SPIN3: variants seen among roughly 807,000 people sequenced by gnomAD.
The protein encoded by SPIN3 is spindlin family member 3.
For missense variants in SPIN3, 176 were observed against 196.4 expected, an observed-to-expected ratio of 0.90 and a Z score of 0.62; for synonymous variants, 74 against 74.3, an observed-to-expected ratio of 1.00 and a Z score of 0.02.
intron 5 of SPIN3, chrX:56,977,400 ACT>A (rs1346888043): frequency 8.9e-6 from 1 of 111,810 alleles, no homozygotes; most frequent in Non-Finnish European, 1.9e-5. Context: ...CAAAGAAGTA[ACT>A]CTGCATATAA....
At chrX:56,984,356 C>T in exon 3 of SPIN3, 1 of 301,290 alleles carries the variant, frequency 3.3e-6, no homozygotes, top group South Asian at 3.0e-5. Flanking sequence ...ATCTTTCCAG[C>T]TTTAGAGATG....
downstream of SPIN3, chrX:56,975,766 C>T (rs996509407): frequency 9.0e-6 from 1 of 111,319 alleles, no homozygotes; most frequent in Non-Finnish European, 1.9e-5. Flanking sequence ...GTAGAGGCAG[C>T]TTAGGTTTGG....
intron 2 of SPIN3, chrX:56,984,524 G>A (rs940572125): frequency 3.2e-5 from 10 of 317,300 alleles, no homozygotes; most frequent in Non-Finnish European, 5.4e-5. Flanking sequence ...TGACATTTGA[G>A]ATTAAGTGAA....
At chrX:56,982,956 G>A (rs753342663) in intron 3 of SPIN3, 1 of 111,606 alleles carries the variant, frequency 9.0e-6, no homozygotes, top group African/African-American at 3.3e-5. Flanking sequence ...AAGGACCAGG[G>A]AGTAGTAGTA....
chrX:56,989,071 A>T (rs1924278761), downstream of SPIN3, among the ~76,000 whole-genome samples: 1 of 111,813 alleles, frequency 8.9e-6, no homozygotes, highest in Non-Finnish European at 1.9e-5. Context: ...AGAAGCTACT[A>T]TGTATTGTTT....
chrX:56,989,243 G>A (rs2146832749), downstream of SPIN3, among the ~76,000 whole-genome samples: 1 of 111,248 alleles, frequency 9.0e-6, no homozygotes, highest in South Asian at 3.8e-4. Context: ...ATCAACTAGG[G>A]ATCTTGAACT....
chrX:56,981,838 G>A, intron 3 of SPIN3: 1 of 111,590 alleles, frequency 9.0e-6, no homozygotes. Context: ...GAGGTGCATG[G>A]CTTATTGGTG....
intron 4 of SPIN3, chrX:56,978,542 C>A (rs1327710481): frequency 8.9e-6 from 1 of 111,749 alleles, no homozygotes; most frequent in Non-Finnish European, 1.9e-5. Flanking sequence ...TTCCTTCTTA[C>A]ATTCCAAAAC....
At chrX:56,983,555 T>C in intron 3 of SPIN3, among the ~76,000 whole-genome samples, 1 of 112,805 alleles carries the variant, frequency 8.9e-6, no homozygotes, top group African/African-American at 3.2e-5. Flanking sequence ...TGAATTACTG[T>C]GTGGGTGAAT....
chrX:56,993,813 C>T lies in SPIN3; in HGVS notation c.*358G>A, dbSNP rs1165590073. 7.7e-6 allele frequency: 1 copy of T among 129,443 alleles called. No individual in the cohort carries two copies. Among genetic ancestry groups the T allele is most frequent in the African/African-American group, 3.2e-5 (1 of 31,265 alleles). The allele number at this position is 129,443 out of a possible 1,213,427, so 10.7% of individuals were successfully genotyped here. On this transcript the variant is annotated 3_prime_UTR_variant, in exon 2 of 2. Transcript: ENST00000374919. ...CAGCCAGTCACATGGGATATCTCAG[C>T]AAGCTTCACACCTCAATGAGTGTAG...
At chrX:56,988,451 C>T (rs990038057), downstream of SPIN3, among the ~76,000 whole-genome samples, 7 of 111,198 alleles carry the variant, frequency 6.3e-5, no homozygotes, top group African/African-American at 2.3e-4. Context: ...ATCAGTGTTT[C>T]CTAATCATTA....
downstream of SPIN3, among the ~76,000 whole-genome samples, chrX:56,990,205 A>G (rs947042675): frequency 8.1e-5 from 9 of 111,624 alleles, no homozygotes; most frequent in African/African-American, 2.9e-4. Context: ...GTAGCCTGGA[A>G]CTGCTGGTCC....
intron 3 of SPIN3, chrX:56,984,182 T>A: frequency 6.6e-6 from 1 of 151,980 alleles, no homozygotes; most frequent in Non-Finnish European, 1.3e-5. Context: ...AAGACACTGT[T>A]TTTTGACACT....
chrX:56,985,519 G>A (rs771228920), intron 2 of SPIN3, among the ~76,000 whole-genome samples: 1 of 112,426 alleles, frequency 8.9e-6, no homozygotes, highest in East Asian at 2.8e-4. Flanking sequence ...GGGTGTGGTT[G>A]ACACTGTAAC....
At chrX:56,988,649 T>G (rs1408727314), downstream of SPIN3, among the ~76,000 whole-genome samples, 6 of 110,910 alleles carry the variant, frequency 5.4e-5, no homozygotes, top group Non-Finnish European at 1.1e-4. Flanking sequence ...TATAAATCAG[T>G]GATTTTCAAT....
downstream of SPIN3, chrX:56,976,167 T>C (rs1048111464): frequency 8.9e-6 from 1 of 111,816 alleles, no homozygotes; most frequent in Non-Finnish European, 1.9e-5. Flanking sequence ...CAGTGGAAAA[T>C]GGAGAATCGG....
downstream of SPIN3, among the ~76,000 whole-genome samples, chrX:56,990,671 C>A (rs1924311342): frequency 9.0e-6 from 1 of 111,622 alleles, no homozygotes; most frequent in South Asian, 3.7e-4. Flanking sequence ...ACATATATTT[C>A]ACATTCTACT....
At chrX:56,981,697 T>C (rs969056362) in intron 3 of SPIN3, 2 of 112,374 alleles carry the variant, frequency 1.8e-5, no homozygotes, top group African/African-American at 3.2e-5. Context: ...TTATTTCCTA[T>C]CTGCATTTTC....
intron 1 of SPIN3, 96 bp downstream of exon 1, chrX:56,995,120 C>G: frequency 2.1e-6 from 1 of 482,689 alleles, no homozygotes; most frequent in Non-Finnish European, 3.3e-6. Flanking sequence ...TGAGTGCCTG[C>G]AGTAACCTTC....
Sources: gnomAD v4.1 joint callset for allele counts (sites outside exome capture counted in the v4.1 genomes callset) on GRCh38, gnomAD v4.1.1 for gene constraint, MANE v1.5 for transcripts, NCBI Gene and HGNC (gene_info 2026-07-23, HGNC 2026-07-21) for gene names.